The following LRRK2 variants were observed in gnomAD, a reference collection of about 807,000 sequenced individuals.
LRRK2 encodes the protein leucine-rich repeat serine/threonine-protein kinase 2.
In LRRK2, 203 loss-of-function variants were observed where a neutral mutation model predicts 302.6. The ratio of observed to expected loss-of-function variants is 0.67; its 90% CI spans 0.60 to 0.75. LRRK2 has a LOEUF of 0.75. Among genes scored for constraint, LRRK2 ranks in the 30% least tolerant of loss-of-function variants. The pLI, the probability that LRRK2 is intolerant of heterozygous loss-of-function variation, is 0.00. For missense variants in LRRK2, 2,830 were observed against 2,951.0 expected (o/e 0.96, Z 0.95); for synonymous variants, 1,066 against 1,031.9 (o/e 1.03, Z -0.63).
intron 39 of LRRK2, among the ~76,000 whole-genome samples, chr12:40,332,788 C>T (rs1193224823): frequency 6.6e-6 from 1 of 151,644 alleles, no homozygotes; most frequent in Admixed American, 6.6e-5. Context: ...ATTTTTTGGC[C>T]TTGCTGTCAG....
chr12:40,358,547 G>A (rs1037146762), intron 46 of LRRK2, among the ~76,000 whole-genome samples: 1 of 152,020 alleles, frequency 6.6e-6, no homozygotes, highest in African/African-American at 2.4e-5. Context: ...TTAAATATGT[G>A]GGTTTATTTC....
chr12:40,359,024 G>A (rs1239700424), intron 46 of LRRK2, among the ~76,000 whole-genome samples: 1 of 151,404 alleles, frequency 6.6e-6, no homozygotes, highest in African/African-American at 2.4e-5. Flanking sequence ...CTACTTTGTT[G>A]TTGTTGTTGT....
intron 2 of LRRK2, among the ~76,000 whole-genome samples, chr12:40,229,863 T>C (rs889590608): frequency 2.6e-5 from 4 of 152,116 alleles, no homozygotes; most frequent in African/African-American, 9.7e-5. Flanking sequence ...GCAAAGCGTT[T>C]ACTGATACTG....
chr12:40,274,001 C>T (rs1943343780), intron 14 of LRRK2, among the ~76,000 whole-genome samples: 1 of 152,116 alleles, frequency 6.6e-6, no homozygotes, highest in Non-Finnish European at 1.5e-5. Context: ...ATATTCAAGT[C>T]CCAGGCCCAA....
chr12:40,322,724 G>C (rs1484643058), intron 37 of LRRK2, among the ~76,000 whole-genome samples: 4 of 151,986 alleles, frequency 2.6e-5, no homozygotes, highest in Non-Finnish European at 5.9e-5. Context: ...TTTGAATGCT[G>C]GCTTATTGAG....
At chr12:40,302,151 C>A (rs2136769957) in intron 25 of LRRK2, among the ~76,000 whole-genome samples, 1 of 152,016 alleles carries the variant, frequency 6.6e-6, no homozygotes, top group East Asian at 1.9e-4. Flanking sequence ...GCACTCCAGC[C>A]TGGGCAACAG....
intron 45 of LRRK2, among the ~76,000 whole-genome samples, chr12:40,355,784 T>G (rs1021556074): frequency 6.6e-6 from 1 of 152,032 alleles, no homozygotes; most frequent in African/African-American, 2.4e-5. Flanking sequence ...CCTCAGGTGA[T>G]CTGCCCACCG....
chr12:40,231,576 C>CAAAAAAAAAAAAAAAAAAA (rs71078231), intron 2 of LRRK2, among the ~76,000 whole-genome samples: 2 of 105,878 alleles, frequency 1.9e-5, no homozygotes, highest in Admixed American at 1.1e-4. Context: ...AAAACAAAAC[C>CAAAAAAAAAAAAAAAAAAA]AAAAAAAAAA....
intron 23 of LRRK2, among the ~76,000 whole-genome samples, chr12:40,296,843 T>C (rs1339978021): frequency 6.6e-6 from 1 of 152,042 alleles, no homozygotes; most frequent in African/African-American, 2.4e-5. Flanking sequence ...AAATGTGTCT[T>C]TCTCTCTTCT....
Position 40,258,266 on chromosome 12 carries a change from A to G in LRRK2, c.1418+889A>G, listed in dbSNP as rs376638972. 2.6e-5 allele frequency among the ~76,000 whole-genome samples: 4 copies of G among 152,332 alleles called. No individual in the cohort carries two copies. The East Asian group carries it at 7.7e-4, about 29-fold the overall frequency. ...ATAAATGAAGTGCATATAGCATGAA[A>G]TGTAGCGTAACTGCAGACTTGTAAG... On this transcript the variant is annotated intron_variant, in intron 12 of 50. Coordinates refer to ENST00000298910, the MANE Select transcript of LRRK2 (RefSeq NM_198578.4).
rs749791181 is a variant in LRRK2 at position 40,253,032 on chromosome 12, T to C, written c.1288+16T>C. ...GAACAAAATGGTAAGCAGTGGGCCA[T>C]GTTTTCAAATAAAGGGAAACACATT... On this transcript the variant is annotated intron_variant, in intron 11 of 50. Coordinates refer to ENST00000298910, the MANE Select transcript of LRRK2 (RefSeq NM_198578.4). The C allele has an allele frequency of 6.6e-7, 1 of 1,521,966 alleles. No individual in the cohort carries two copies. Among genetic ancestry groups the C allele is most frequent in the Non-Finnish European group, 9.1e-7 (1 of 1,096,506 alleles). The allele number at this position is 1,521,966 out of a possible 1,614,324, so 94.3% of individuals were successfully genotyped here.
chr12:40,332,312 CTG>C (rs1394180075), intron 39 of LRRK2, among the ~76,000 whole-genome samples: 2 of 152,218 alleles, frequency 1.3e-5, no homozygotes, highest in African/African-American at 4.8e-5. Context: ...GGAATATACA[CTG>C]TTAGTTAACA....
intron 39 of LRRK2, among the ~76,000 whole-genome samples, chr12:40,329,373 A>T (rs1036395019): frequency 6.6e-6 from 1 of 152,164 alleles, no homozygotes; most frequent in Non-Finnish European, 1.5e-5. Flanking sequence ...AATTAACGCT[A>T]TTCTTTCTCC....
Position 40,308,703 on chromosome 12 carries a change from C to A in LRRK2, c.4189+7C>A. 1 of 1,611,112 alleles carries A rather than the reference C, an allele frequency of 6.2e-7. No homozygotes were observed. Among genetic ancestry groups the A allele is most frequent in the East Asian group, 2.2e-5 (1 of 44,802 alleles). ...AATGTGTGGGATTTTGCAGGTATTTCTTTCTATAGAATTTTAAAATTCACT... is the reference window on the plus strand; with the variant it reads ...AATGTGTGGGATTTTGCAGGTATTTATTTCTATAGAATTTTAAAATTCACT... On this transcript the variant is annotated splice_region_variant and intron_variant, in intron 29 of 50. Coordinates refer to ENST00000298910, the MANE Select transcript of LRRK2 (RefSeq NM_198578.4).
intron 38 of LRRK2, 107 bp downstream of exon 38, chr12:40,323,413 T>C: frequency 1.1e-6 from 1 of 933,628 alleles, no homozygotes; most frequent in Non-Finnish European, 1.6e-6. Flanking sequence ...ACTGTCTTCA[T>C]ATATTTGTTA....
At chr12:40,358,274 CT>C (rs1330689470) in intron 46 of LRRK2, among the ~76,000 whole-genome samples, 2 of 152,150 alleles carry the variant, frequency 1.3e-5, no homozygotes, top group Non-Finnish European at 2.9e-5. Flanking sequence ...GTTGCCTGTG[CT>C]TTTGGGATCT....
At position 40,310,498 on chromosome 12, in the gene LRRK2, G is replaced by C; in HGVS notation, c.4385G>C (p.Arg1462Pro). 6.2e-7 allele frequency: 1 copy of C among 1,612,758 alleles called. No homozygotes were observed. The highest frequency in any genetic ancestry group is 8.5e-7 in the Non-Finnish European group (1 of 1,179,714). ...TTGGATGTTTCTGATGAGAAGCAAC[G>C]CAAAGCCTGCATGAGTAAAATCACC... The part of the protein sequence containing the change: ...THLDVSDEKQ[R>P]KACMSKITKE... The change falls in exon 31 of 51, where the codon CGC becomes CCC. Residue 1462 changes from arginine to proline, a missense_variant. This residue lies in a region of LRRK2 where 2,121 missense variants were observed against 2,148.0 expected (regional missense o/e 0.99). Coordinates refer to ENST00000298910, the MANE Select transcript of LRRK2 (RefSeq NM_198578.4).
intron 2 of LRRK2, among the ~76,000 whole-genome samples, chr12:40,226,926 G>A (rs974390360): frequency 2.0e-5 from 3 of 152,016 alleles, no homozygotes; most frequent in African/African-American, 7.2e-5. Context: ...AGTCACTCCT[G>A]CTTGATACTG....
Position 40,367,859 on chromosome 12 carries a change from T to G in LRRK2, c.*94T>G, listed in dbSNP as rs975310184. 22 of 1,229,404 alleles carry G rather than the reference T, an allele frequency of 1.8e-5. No individual in the cohort carries two copies. Among genetic ancestry groups the G allele is most frequent in the Middle Eastern group, 2.8e-4 (1 of 3,560 alleles). 76.2% of individuals were successfully genotyped at this position (1,229,404 alleles called of 1,614,324 possible). A position where few individuals can be genotyped will look rare whatever the true frequency, so the allele number is the denominator to read the frequency against. On this transcript the variant is annotated 3_prime_UTR_variant, in exon 51 of 51. Transcript: ENST00000298910. ...TGTTCACATGGAAAGGGTACTCACA[T>G]TTTTTGAAATAGCTCGTGTGTATGA...
Sources: allele counts gnomAD v4.1 joint callset (sites outside exome capture counted in the v4.1 genomes callset), GRCh38; gene constraint gnomAD v4.1.1; regional missense constraint gnomAD v4.1.1; transcripts MANE v1.5; gene names NCBI Gene and HGNC (gene_info 2026-07-23, HGNC 2026-07-21).